The following PDE8A variants were observed in gnomAD, a reference collection of about 807,000 sequenced individuals.
The protein encoded by PDE8A is high affinity cAMP-specific and IBMX-insensitive 3',5'-cyclic phosphodiesterase 8A.
In PDE8A, 59 loss-of-function variants were observed where a neutral mutation model predicts 105.0. That is an observed-to-expected ratio of 0.56 (90% CI 0.46 to 0.70). The LOEUF (loss-of-function observed/expected upper bound fraction) is 0.70. Among genes scored for constraint, PDE8A ranks in the 30% least tolerant of loss-of-function variants. The probability of loss-of-function intolerance (pLI) is 0.00; values close to 1 mark genes in which losing one functional copy is unlikely to be tolerated. For synonymous variants in PDE8A, 355 were observed against 371.9 expected (o/e 0.95, Z 0.52); for missense variants, 1,014 against 1,045.9 (o/e 0.97, Z 0.42).
At position 85,129,936 on chromosome 15, in the gene PDE8A, T is replaced by A. The variant is rs1027403250; in HGVS notation, c.2253+3562T>A. Among the ~76,000 whole-genome samples the A allele has an allele frequency of 6.6e-5, 10 of 152,192 alleles. No individual in the cohort carries two copies. In the East Asian group the frequency reaches 1.9e-3, roughly 29 times the overall value. ...TATGATTTCTTCTTTGACCCCTTGGTTGTTTAAGCGTATATTAGTCCATTT... is the reference window on the plus strand; with the variant it reads ...TATGATTTCTTCTTTGACCCCTTGGATGTTTAAGCGTATATTAGTCCATTT... On this transcript the variant is annotated intron_variant, in intron 20 of 21. Coordinates refer to ENST00000394553, the MANE Select transcript of PDE8A (RefSeq NM_002605.3).
chr15:85,115,948 A>C, intron 15 of PDE8A, 36 bp from the exon 16 acceptor site: 1 of 1,565,072 alleles, frequency 6.4e-7, no homozygotes, highest in Non-Finnish European at 8.7e-7. Context: ...TAATCCTTTA[A>C]AGCCTATTTG....
intron 1 of PDE8A, among the ~76,000 whole-genome samples, chr15:85,051,538 C>T (rs926388317): frequency 5.9e-5 from 9 of 151,964 alleles, no homozygotes; most frequent in African/African-American, 2.2e-4. Context: ...TAAATGTGTG[C>T]CATGGTGTTT....
chr15:85,109,078 C>G lies in PDE8A; in HGVS notation c.1062C>G (p.Asp354Glu), dbSNP rs958274460. ...HTDNQTGKHK[D>E]RRKGSLDVKA... ...ATAATCAGACAGGCAAACATAAAGACAGGAGAAAAGGCTCACTAGACGTCA... is the reference window on the plus strand; with the variant it reads ...ATAATCAGACAGGCAAACATAAAGAGAGGAGAAAAGGCTCACTAGACGTCA... The change falls in exon 12 of 22, where the codon GAC becomes GAG. Residue 354 changes from aspartate (D) to glutamate (E), a missense_variant. Physicochemically the swap from Asp to Glu is conservative, Grantham distance 45 (BLOSUM62 2). Coordinates refer to ENST00000394553, the MANE Select transcript of PDE8A (RefSeq NM_002605.3). 2 of 1,610,030 alleles carry G rather than the reference C, an allele frequency of 1.2e-6. No homozygotes were observed. The highest frequency in any genetic ancestry group is 4.5e-5 in the East Asian group (2 of 44,840).
chr15:85,084,451 A>G (rs2081517447), intron 6 of PDE8A, among the ~76,000 whole-genome samples: 1 of 152,206 alleles, frequency 6.6e-6, no homozygotes, highest in Non-Finnish European at 1.5e-5. Context: ...GTGGTATACA[A>G]AAGAGATTTT....
intron 1 of PDE8A, among the ~76,000 whole-genome samples, chr15:85,016,097 C>T (rs2080320826): frequency 6.6e-6 from 1 of 152,180 alleles, no homozygotes. Flanking sequence ...GGTCGCGCCA[C>T]TCACTGTACT....
At chr15:85,005,228 C>T (rs1202780141) in intron 1 of PDE8A, among the ~76,000 whole-genome samples, 1 of 152,138 alleles carries the variant, frequency 6.6e-6, no homozygotes, top group African/African-American at 2.4e-5. Flanking sequence ...GATCCTCTCA[C>T]CTCAGCCCCC....
chr15:85,069,594 T>G (rs1047169760), intron 3 of PDE8A, among the ~76,000 whole-genome samples: 1 of 152,158 alleles, frequency 6.6e-6, no homozygotes, highest in African/African-American at 2.4e-5. Flanking sequence ...TCAAGGGTGC[T>G]TCCCCTGAGT....
intron 1 of PDE8A, among the ~76,000 whole-genome samples, chr15:85,024,155 T>G (rs1323040217): frequency 6.6e-6 from 1 of 152,172 alleles, no homozygotes. Flanking sequence ...AAATCTTTCT[T>G]GAACCCTCTG....
chr15:85,052,668 T>C (rs1215089162), intron 1 of PDE8A, among the ~76,000 whole-genome samples: 2 of 152,128 alleles, frequency 1.3e-5, no homozygotes, highest in African/African-American at 4.8e-5. Context: ...GTTGATAGGG[T>C]TGTTTGATTT....
At chr15:85,077,743 A>G (rs187569170) in intron 5 of PDE8A, among the ~76,000 whole-genome samples, 1 of 152,330 alleles carries the variant, frequency 6.6e-6, no homozygotes, top group Admixed American at 6.5e-5. Flanking sequence ...TATGCTTACT[A>G]TAGGTAAAGA....
intron 1 of PDE8A, among the ~76,000 whole-genome samples, chr15:84,989,347 C>A (rs1273343522): frequency 6.6e-6 from 1 of 152,240 alleles, no homozygotes; most frequent in East Asian, 1.9e-4. Context: ...TAGACCTTTG[C>A]TGTTTTGAAT....
chr15:85,085,155 G>GTC (rs2081531339), intron 6 of PDE8A, among the ~76,000 whole-genome samples: 1 of 152,136 alleles, frequency 6.6e-6, no homozygotes, highest in South Asian at 2.1e-4. Context: ...GCCTACAAGG[G>GTC]TCTCCATGGT....
At chr15:85,027,255 CCAGT>C (rs1476075557) in intron 1 of PDE8A, among the ~76,000 whole-genome samples, 1 of 152,126 alleles carries the variant, frequency 6.6e-6, no homozygotes, top group African/African-American at 2.4e-5. Flanking sequence ...CCAATCTTTG[CCAGT>C]CAGTTTCCTA....
chr15:85,021,731 C>G (rs570532914), intron 1 of PDE8A, among the ~76,000 whole-genome samples: 2 of 152,248 alleles, frequency 1.3e-5, no homozygotes, highest in South Asian at 4.1e-4. Flanking sequence ...TTCTTAAGTA[C>G]CTGTCCATTG....
rs182307923 is a variant in PDE8A, at chr15:85,108,261, G to C, written c.1037-792G>C. 9.6e-4 allele frequency among the ~76,000 whole-genome samples: 146 copies of C among 152,360 alleles called. 1 individual carries two copies. Among genetic ancestry groups the C allele is most frequent in the African/African-American group, 3.4e-3 (141 of 41,580 alleles). ...TTCGGATCCTGTACATGAGCAGGGAGAGAAGTTCCAAGTGAGGAAGCCAAG... is the reference window on the plus strand; with the variant it reads ...TTCGGATCCTGTACATGAGCAGGGACAGAAGTTCCAAGTGAGGAAGCCAAG... On this transcript the variant is annotated intron_variant, in intron 11 of 21. Transcript: ENST00000394553.
chr15:85,113,852 T>G (rs1191821667), intron 13 of PDE8A, 21 bp from the exon 14 acceptor site: 11 of 1,592,822 alleles, frequency 6.9e-6, no homozygotes, highest in Non-Finnish European at 9.5e-6. Context: ...GAAACTCAAG[T>G]ATTTTCTTTC....
chr15:85,077,944 G>A (rs1258643009), intron 5 of PDE8A, among the ~76,000 whole-genome samples: 1 of 147,332 alleles, frequency 6.8e-6, no homozygotes, highest in African/African-American at 2.7e-5. Context: ...GAAGAAATGT[G>A]GAGGATAGTG....
intron 1 of PDE8A, among the ~76,000 whole-genome samples, chr15:85,041,696 C>G (rs903820697): frequency 6.6e-6 from 1 of 152,146 alleles, no homozygotes; most frequent in Non-Finnish European, 1.5e-5. Flanking sequence ...AGATGCACCC[C>G]TAGGAAGAGA....
intron 5 of PDE8A, among the ~76,000 whole-genome samples, chr15:85,077,334 G>T (rs964372057): frequency 6.6e-6 from 1 of 152,156 alleles, no homozygotes; most frequent in African/African-American, 2.4e-5. Flanking sequence ...GTTGCTTGGG[G>T]CTTTGGTCAG....
Sources: gnomAD v4.1 joint callset for allele counts (sites outside exome capture counted in the v4.1 genomes callset) on GRCh38, gnomAD v4.1.1 for gene constraint, MANE v1.5 for transcripts, NCBI Gene and HGNC (gene_info 2026-07-23, HGNC 2026-07-21) for gene names.